TMEM117: variants seen among roughly 807,000 people sequenced by gnomAD.
The protein encoded by TMEM117 is transmembrane protein 117.
Under a neutral mutation model 52.4 loss-of-function variants are expected in TMEM117, and 27 were observed. The ratio of observed to expected loss-of-function variants is 0.51; its 90% CI spans 0.38 to 0.71. The LOEUF (loss-of-function observed/expected upper bound fraction) is 0.71. Among genes scored for constraint, TMEM117 ranks in the 30% least tolerant of loss-of-function variants. The probability of loss-of-function intolerance (pLI) is 0.00; values close to 1 mark genes in which losing one functional copy is unlikely to be tolerated. For synonymous variants in TMEM117, 215 were observed against 206.3 expected (o/e 1.04, Z -0.36); for missense variants, 556 against 630.5 (o/e 0.88, Z 1.26).
At chr12:44,301,502 T>C (rs1950839479) in intron 6 of TMEM117, among the ~76,000 whole-genome samples, 1 of 152,124 alleles carries the variant, frequency 6.6e-6, no homozygotes. Flanking sequence ...AATATTTAAG[T>C]TTGGACCATT....
intron 2 of TMEM117, among the ~76,000 whole-genome samples, chr12:43,929,171 C>T (rs1288224892): frequency 1.3e-5 from 2 of 152,166 alleles, no homozygotes; most frequent in Admixed American, 6.5e-5. Flanking sequence ...AATGGCCACA[C>T]TGATTTCCAC....
chr12:44,343,056 T>G (rs1489050298), intron 6 of TMEM117, among the ~76,000 whole-genome samples: 1 of 151,992 alleles, frequency 6.6e-6, no homozygotes, highest in Non-Finnish European at 1.5e-5. Context: ...CAGCTAATTT[T>G]TTTTTTTGTA....
At chr12:44,033,918 A>G (rs1946672330) in intron 3 of TMEM117, among the ~76,000 whole-genome samples, 1 of 152,220 alleles carries the variant, frequency 6.6e-6, no homozygotes, top group African/African-American at 2.4e-5. Flanking sequence ...ATCAAAGACC[A>G]TTAATGAAGT....
At chr12:44,006,454 A>C (rs1175439254) in intron 3 of TMEM117, among the ~76,000 whole-genome samples, 1 of 152,194 alleles carries the variant, frequency 6.6e-6, no homozygotes, top group Non-Finnish European at 1.5e-5. Flanking sequence ...TTGCTGTTAC[A>C]GAGTAAAATT....
intron 3 of TMEM117, among the ~76,000 whole-genome samples, chr12:44,072,920 TC>T (rs1340249812): frequency 1.3e-5 from 2 of 152,192 alleles, no homozygotes; most frequent in African/African-American, 4.8e-5. Flanking sequence ...TGAAACCCCA[TC>T]TCTACTTAAA....
At chr12:44,340,095 T>C (rs1442153093) in intron 6 of TMEM117, among the ~76,000 whole-genome samples, 1 of 152,058 alleles carries the variant, frequency 6.6e-6, no homozygotes, top group East Asian at 1.9e-4. Flanking sequence ...AATAATTTAA[T>C]ATAAAATGAA....
chr12:44,044,646 G>A (rs1946852691), intron 3 of TMEM117, among the ~76,000 whole-genome samples: 2 of 152,184 alleles, frequency 1.3e-5, no homozygotes, highest in Non-Finnish European at 2.9e-5. Context: ...AGTTCTCTAT[G>A]ATCAGTTGAC....
intron 3 of TMEM117, among the ~76,000 whole-genome samples, chr12:44,099,763 A>C (rs981822388): frequency 2.6e-5 from 4 of 152,032 alleles, no homozygotes; most frequent in African/African-American, 9.7e-5. Context: ...AAGAAACAGA[A>C]TAAGAAGCAG....
At chr12:43,959,124 T>C (rs1380484750) in intron 3 of TMEM117, among the ~76,000 whole-genome samples, 2 of 152,174 alleles carry the variant, frequency 1.3e-5, no homozygotes, top group African/African-American at 4.8e-5. Flanking sequence ...ATGGTTTCTA[T>C]GTGCTGAGGG....
chr12:44,067,178 T>A (rs529187698), intron 3 of TMEM117, among the ~76,000 whole-genome samples: 3 of 152,314 alleles, frequency 2.0e-5, no homozygotes, highest in African/African-American at 7.2e-5. Flanking sequence ...TTGCTGTTTC[T>A]ATAACATCTG....
intron 6 of TMEM117, among the ~76,000 whole-genome samples, chr12:44,323,578 T>C (rs1951160376): frequency 6.6e-6 from 1 of 152,186 alleles, no homozygotes; most frequent in Non-Finnish European, 1.5e-5. Flanking sequence ...ACTTTTGCTG[T>C]TGGTACCTGC....
At chr12:43,992,959 AT>A (rs1258898672) in intron 3 of TMEM117, among the ~76,000 whole-genome samples, 1 of 152,184 alleles carries the variant, frequency 6.6e-6, no homozygotes. Flanking sequence ...CACAAGGAAG[AT>A]ACTCACTAAA....
rs376715186 is a variant in TMEM117, at chr12:44,065,988, C to T, written c.411-77537C>T. On this transcript the variant is annotated intron_variant, in intron 3 of 7. Coordinates refer to ENST00000266534, the MANE Select transcript of TMEM117 (RefSeq NM_032256.3). ...GAATGATTTGTGAATCAGGCAGACTCCTGAACCAGAGTAGTCTCAGAGACT... is the reference window on the plus strand; with the variant it reads ...GAATGATTTGTGAATCAGGCAGACTTCTGAACCAGAGTAGTCTCAGAGACT... 5.3e-5 allele frequency among the ~76,000 whole-genome samples: 8 copies of T among 152,272 alleles called. No homozygotes were observed. In the East Asian group the frequency reaches 7.7e-4, roughly 15 times the overall value.
At chr12:44,233,103 A>G (rs1421880108) in intron 5 of TMEM117, among the ~76,000 whole-genome samples, 1 of 151,154 alleles carries the variant, frequency 6.6e-6, no homozygotes, top group Non-Finnish European at 1.5e-5. Flanking sequence ...CAGTTCTTTT[A>G]TCTTTTCTCT....
At chr12:44,343,794 G>C (rs1410759132) in intron 6 of TMEM117, among the ~76,000 whole-genome samples, 1 of 152,214 alleles carries the variant, frequency 6.6e-6, no homozygotes, top group South Asian at 2.1e-4. Context: ...GAATATTACA[G>C]TGACTGAACT....
chr12:43,825,592 G>A, the TMEM117 span, among the ~76,000 whole-genome samples: 17 of 152,092 alleles, frequency 1.1e-4, no homozygotes, highest in Admixed American at 1.0e-3. Flanking sequence ...CATAAAGAAC[G>A]TGATTGTATT....
chr12:44,091,539 A>C (rs1340970883), intron 3 of TMEM117, among the ~76,000 whole-genome samples: 1 of 152,220 alleles, frequency 6.6e-6, no homozygotes, highest in Non-Finnish European at 1.5e-5. Flanking sequence ...ACAATTTATA[A>C]CAATAATGTT....
the TMEM117 span, chr12:43,802,459 G>A: frequency 6.2e-7 from 1 of 1,601,460 alleles, no homozygotes; most frequent in Non-Finnish European, 8.5e-7. Context: ...CCAATCACAA[G>A]TTGCTCTATG....
intron 2 of TMEM117, among the ~76,000 whole-genome samples, chr12:43,869,275 CCTTCT>C (rs1943663935): frequency 6.6e-6 from 1 of 152,096 alleles, no homozygotes; most frequent in African/African-American, 2.4e-5. Flanking sequence ...TAGCTGCCAT[CCTTCT>C]CTTAAGCAAA....
Sources: allele counts gnomAD v4.1 joint callset (sites outside exome capture counted in the v4.1 genomes callset), GRCh38; gene constraint gnomAD v4.1.1; transcripts MANE v1.5; gene names NCBI Gene and HGNC (gene_info 2026-07-23, HGNC 2026-07-21).